Variants in TACC1 observed in about 807,000 individuals in gnomAD.
TACC1 encodes transforming acidic coiled-coil-containing protein 1.
In TACC1, 48 loss-of-function variants were observed where a neutral mutation model predicts 84.4. The observed-to-expected ratio is 0.57, with a 90% CI of 0.45 to 0.72. TACC1 has a LOEUF of 0.72. TACC1 is among the 30% of genes least tolerant of loss of function. The probability of loss-of-function intolerance (pLI) is 0.00; values close to 1 mark genes in which losing one functional copy is unlikely to be tolerated. For missense variants in TACC1, 920 were observed against 973.0 expected (o/e 0.95, Z 0.72); for synonymous variants, 372 against 376.3 (o/e 0.99, Z 0.13).
At chr8:38,815,547 G>A (rs990099730) in intron 2 of TACC1, among the ~76,000 whole-genome samples, 2 of 151,966 alleles carry the variant, frequency 1.3e-5, no homozygotes, top group African/African-American at 2.4e-5. Context: ...AGCCTCCCAA[G>A]AAACTGAGAT....
intron 5 of TACC1, among the ~76,000 whole-genome samples, chr8:38,828,698 T>G (rs953904635): frequency 2.0e-5 from 3 of 152,172 alleles, no homozygotes; most frequent in Non-Finnish European, 2.9e-5. Flanking sequence ...CTTTATGGCC[T>G]GCTTCAGGAA....
In TACC1 at chr8:38,802,729, A is replaced by G. The variant is rs192075460; in HGVS notation, c.277+13910A>G. On this transcript the variant is annotated intron_variant, in intron 2 of 12. Coordinates refer to ENST00000317827, the MANE Select transcript of TACC1 (RefSeq NM_006283.3). ...AGCTTCCAATTATGGCAGAAGGCAA[A>G]GGTGGAGCAGGTGTGTCACATGGTG... 1.7e-4 allele frequency among the ~76,000 whole-genome samples: 26 copies of G among 152,328 alleles called. No individual in the cohort carries two copies. The East Asian group carries it at 4.4e-3, about 26-fold the overall frequency.
chr8:38,741,526 A>G (rs935194456), intron 1 of TACC1, among the ~76,000 whole-genome samples: 1 of 152,160 alleles, frequency 6.6e-6, no homozygotes, highest in African/African-American at 2.4e-5. Context: ...CAAATTAAAG[A>G]GCTTCCTTGA....
intron 2 of TACC1, among the ~76,000 whole-genome samples, chr8:38,818,516 A>G (rs184073309): frequency 9.2e-5 from 14 of 152,322 alleles, no homozygotes; most frequent in Admixed American, 9.1e-4. Context: ...TATTTTTCAC[A>G]AGTGATTTAG....
chr8:38,832,507 C>T (rs1829461601), intron 6 of TACC1, among the ~76,000 whole-genome samples: 1 of 152,186 alleles, frequency 6.6e-6, no homozygotes, highest in Non-Finnish European at 1.5e-5. Context: ...TTTCACCATG[C>T]AAAACATTGA....
chr8:38,821,229 T>TA (rs1826732533), intron 3 of TACC1, among the ~76,000 whole-genome samples: 1 of 151,280 alleles, frequency 6.6e-6, no homozygotes, highest in Non-Finnish European at 1.5e-5. Flanking sequence ...TGGCATGAGA[T>TA]AGACAGGTAG....
intron 1 of TACC1, chr8:38,788,453 T>G: frequency 2.7e-6 from 1 of 369,462 alleles, no homozygotes; most frequent in Non-Finnish European, 4.9e-6. Flanking sequence ...ACCTCGAAAA[T>G]AAATGGTGCT....
rs1400991204 is a variant in TACC1 at position 38,787,429 on chromosome 8, C to T, written c.-154C>T. On this transcript the variant is annotated 5_prime_UTR_variant, in exon 1 of 13. Coordinates refer to ENST00000317827, the MANE Select transcript of TACC1 (RefSeq NM_006283.3). Reference sequence around the variant, plus strand: ...CTGCCGGCGGGAGGAAGCGCTCCACCAGGGCCCCCGACGGCACTCGTTTAA... The same window carrying T: ...CTGCCGGCGGGAGGAAGCGCTCCACTAGGGCCCCCGACGGCACTCGTTTAA... 2.2e-6 allele frequency: 3 copies of T among 1,354,622 alleles called. No homozygotes were observed. The highest frequency in any genetic ancestry group is 3.1e-5 in the East Asian group (1 of 32,044). The allele number at this position is 1,354,622 out of a possible 1,614,324, so 83.9% of individuals were successfully genotyped here.
intron 6 of TACC1, among the ~76,000 whole-genome samples, chr8:38,835,468 G>A (rs138613431): frequency 5.4e-4 from 82 of 152,334 alleles, no homozygotes; most frequent in Middle Eastern, 6.8e-3. Flanking sequence ...GGAAAACTTA[G>A]TAGCAAGGAA....
chr8:38,838,431 G>A, intron 7 of TACC1, 39 bp from the exon 8 acceptor site: 1 of 1,492,242 alleles, frequency 6.7e-7, no homozygotes. Flanking sequence ...AATGCAAATT[G>A]TAATAGATTG....
chr8:38,827,353 T>C lies in TACC1; in HGVS notation c.1638T>C (p.His546=). 1 of 1,614,212 alleles carries C rather than the reference T, an allele frequency of 6.2e-7. No individual in the cohort carries two copies. The highest frequency in any genetic ancestry group is 8.5e-7 in the Non-Finnish European group (1 of 1,180,030). ...ATGTTCCTGTGTCTACCATAAATCA[T>C]GCGTTTTCATCCTCAGAAGCAGGTA... ...CSNVPVSTIN[H]AFSSSEAGIE... The change falls in exon 5 of 13, where the codon CAT becomes CAC. Residue 546 remains histidine (H), a synonymous_variant. Coordinates refer to ENST00000317827, the MANE Select transcript of TACC1 (RefSeq NM_006283.3).
At chr8:38,756,906 T>G (rs1291141463) in intron 3 of TACC1, among the ~76,000 whole-genome samples, 1 of 152,186 alleles carries the variant, frequency 6.6e-6, no homozygotes, top group Non-Finnish European at 1.5e-5. Context: ...CCGGGGCCTC[T>G]TCCCGCGGCT....
intron 1 of TACC1, 143 bp from the exon 2 acceptor site, chr8:38,788,561 C>T: frequency 1.6e-6 from 1 of 625,432 alleles, no homozygotes; most frequent in Non-Finnish European, 2.8e-6. Context: ...AGTTGCCTCC[C>T]GCAGGTCAGA....
intron 2 of TACC1, among the ~76,000 whole-genome samples, chr8:38,810,883 G>T (rs958755675): frequency 6.6e-6 from 1 of 152,098 alleles, no homozygotes; most frequent in African/African-American, 2.4e-5. Flanking sequence ...CTGGGAGACT[G>T]AAGTAGGAGG....
chr8:38,826,525 TAAAG>T (rs141483087), intron 4 of TACC1, among the ~76,000 whole-genome samples: 1,701 of 152,234 alleles, frequency 0.011, 30 homozygotes, highest in African/African-American at 0.039. Context: ...TTTTAAGACT[TAAAG>T]AAAAAAGTTT....
Position 38,848,053 on chromosome 8 carries a change from G to T in TACC1, c.*30G>T. 1 of 1,591,026 alleles carries T rather than the reference G, an allele frequency of 6.3e-7. No individual in the cohort carries two copies. The highest frequency in any genetic ancestry group is 1.3e-5 in the African/African-American group (1 of 74,290). On this transcript the variant is annotated 3_prime_UTR_variant, in exon 13 of 13. Coordinates refer to ENST00000317827, the MANE Select transcript of TACC1 (RefSeq NM_006283.3). Reference sequence around the variant, plus strand: ...CTCCCCCTGTTAGCTCAACAGATCTGCATTTGGCTGCTTCTCTTGTGACCA... The same window carrying T: ...CTCCCCCTGTTAGCTCAACAGATCTTCATTTGGCTGCTTCTCTTGTGACCA...
At chr8:38,761,375 A>G (rs1470071774) in intron 3 of TACC1, among the ~76,000 whole-genome samples, 1 of 152,232 alleles carries the variant, frequency 6.6e-6, no homozygotes, top group Non-Finnish European at 1.5e-5. Context: ...TTCCAGACCA[A>G]TCGTTTGCAT....
In TACC1 at chr8:38,757,138, C is replaced by T. The variant is rs542235476; in HGVS notation, c.26+11645C>T. On this transcript the variant is annotated intron_variant, in intron 3 of 14. Transcript: ENST00000518415. ...AGCACCCGCGGGGCCCTGCAATCCG[C>T]GGAGAAGTTGGCGGCATCTGAAGCC... 3.7e-5 allele frequency: 23 copies of T among 626,616 alleles called. No individual in the cohort carries two copies. In the South Asian group the frequency reaches 4.8e-4, roughly 13 times the overall value. 38.8% of individuals were successfully genotyped at this position (626,616 alleles called of 1,614,324 possible).
At chr8:38,734,189 CTGTT>C (rs766115706) in intron 1 of TACC1, among the ~76,000 whole-genome samples, 6 of 152,088 alleles carry the variant, frequency 3.9e-5, no homozygotes, top group Admixed American at 2.0e-4. Context: ...TAGTTTCAGC[CTGTT>C]TGTTTGTTTG....
Sources: gnomAD v4.1 joint callset for allele counts (sites outside exome capture counted in the v4.1 genomes callset) on GRCh38, gnomAD v4.1.1 for gene constraint, MANE v1.5 for transcripts, NCBI Gene and HGNC (gene_info 2026-07-23, HGNC 2026-07-21) for gene names.